DOP1A: variants seen among roughly 807,000 people sequenced by gnomAD.
The protein encoded by DOP1A is DOP1 leucine zipper like protein A, also known as protein DOP1A.
Under a neutral mutation model 267.6 loss-of-function variants are expected in DOP1A, and 90 were observed. The observed-to-expected ratio is 0.34, with a 90% CI of 0.28 to 0.40. The LOEUF (loss-of-function observed/expected upper bound fraction) is 0.40, where lower values mean the gene tolerates loss of function less well. Among genes scored for constraint, DOP1A ranks in the 10% least tolerant of loss-of-function variants. DOP1A has a pLI of 1.00. For synonymous variants in DOP1A, 932 were observed against 999.1 expected, an observed-to-expected ratio of 0.93 and a Z score of 1.27; for missense variants, 2,437 against 2,900.4, an observed-to-expected ratio of 0.84 and a Z score of 3.67.
At chr6:83,083,247 C>G (rs998727397) in intron 1 of DOP1A, among the ~76,000 whole-genome samples, 1 of 151,952 alleles carries the variant, frequency 6.6e-6, no homozygotes, top group Non-Finnish European at 1.5e-5. Context: ...GCTTTGGTCC[C>G]TGTGCTTCAT....
chr6:83,170,648 T>TTCTTCAGTCTATAAAGAATTAC, downstream of DOP1A: 1 of 596,278 alleles, frequency 1.7e-6, no homozygotes, highest in Non-Finnish European at 2.9e-6. Flanking sequence ...TTTTCTCTTT[T>TTCTTCAGTCTATAAAGAATTAC]TCTTCAGTCT....
At position 83,113,440 on chromosome 6, in the gene DOP1A, T is replaced by TG. The variant is rs768678633; in HGVS notation, c.780+20dup. On this transcript the variant is annotated intron_variant, in intron 7 of 38. Coordinates refer to ENST00000349129, the MANE Select transcript of DOP1A (RefSeq NM_015018.4). ...GAGTCAGGTAAAATATTAACGCCGA[T>TG]GTTATTATAAGGCATTCTTGGAAAA... The TG allele has an allele frequency of 1.9e-6, 3 of 1,590,120 alleles. No homozygotes were observed. The African/African-American group carries it at 4.0e-5, about 21-fold the overall frequency.
At chr6:83,085,845 C>T (rs1322144937) in intron 1 of DOP1A, among the ~76,000 whole-genome samples, 1 of 143,110 alleles carries the variant, frequency 7.0e-6, no homozygotes, top group Admixed American at 7.1e-5. Context: ...TATTTTGAGA[C>T]AGAGTCTCGC....
chr6:83,156,768 C>CT (rs1245749781), intron 34 of DOP1A, among the ~76,000 whole-genome samples: 1 of 152,178 alleles, frequency 6.6e-6, no homozygotes, highest in Non-Finnish European at 1.5e-5. Context: ...CAAATGATTC[C>CT]TTGTTTCCTA....
At chr6:83,091,877 T>C (rs561921555) in intron 1 of DOP1A, among the ~76,000 whole-genome samples, 89 of 152,348 alleles carry the variant, frequency 5.8e-4, no homozygotes, top group African/African-American at 2.0e-3. Flanking sequence ...AATTCATTGA[T>C]TGGATTTTAG....
At chr6:83,163,018 A>G in intron 38 of DOP1A, 99 bp downstream of exon 38, 1 of 1,360,582 alleles carries the variant, frequency 7.3e-7, no homozygotes, top group South Asian at 1.7e-5. Flanking sequence ...AACGTTATCA[A>G]GTTGAGCTAT....
At position 83,137,867 on chromosome 6, in the gene DOP1A, A is replaced by G. The variant is rs754397067; in HGVS notation, c.3825A>G (p.Lys1275=). 2 of 1,613,536 alleles carry G rather than the reference A, an allele frequency of 1.2e-6. No individual in the cohort carries two copies. The highest frequency in any genetic ancestry group is 4.5e-5 in the East Asian group (2 of 44,862). ...GTATTCAATTCAGCTTCAAAGAAAAATTATCAGAAAAAGTTTCGGAGAAGG... is the reference window on the plus strand; with the variant it reads ...GTATTCAATTCAGCTTCAAAGAAAAGTTATCAGAAAAAGTTTCGGAGAAGG... ...HSSIQFSFKE[K]LSEKVSEKET... The change falls in exon 21 of 39, where the codon AAA becomes AAG. Residue 1275 remains lysine, a synonymous_variant. Coordinates refer to ENST00000349129, the MANE Select transcript of DOP1A (RefSeq NM_015018.4).
At chr6:83,112,043 T>C (rs1774645926) in intron 6 of DOP1A, among the ~76,000 whole-genome samples, 1 of 152,190 alleles carries the variant, frequency 6.6e-6, no homozygotes, top group Non-Finnish European at 1.5e-5. Flanking sequence ...CTATGCTTTT[T>C]AAATTCAGGT....
In DOP1A at chr6:83,162,892, A is replaced by G; in HGVS notation, c.7065A>G (p.Leu2355=). ...QREFKPYVVR[L]AKLLRKRAKK... ...AATTTAAACCTTACGTGGTACGACT[A>G]GCAAAACTTCTTCGGAAAAGAGCAA... Residue 2355 remains leucine, a synonymous_variant, in exon 38 of 39, where the codon CTA becomes CTG. Coordinates refer to ENST00000349129, the MANE Select transcript of DOP1A (RefSeq NM_015018.4). 1 of 1,613,052 alleles carries G rather than the reference A, an allele frequency of 6.2e-7. No individual in the cohort carries two copies. The highest frequency in any genetic ancestry group is 8.5e-7 in the Non-Finnish European group (1 of 1,179,354).
At position 83,152,031 on chromosome 6, in the gene DOP1A, T is replaced by TTC. The variant is rs1177039709; in HGVS notation, c.6049+6_6049+7dup. The stretch of plus-strand genomic sequence containing the variant: ...AATTTGGAATCTGATGTTGAAGGTA[T>TTC]TCTTGTCAAACATTTAGGTTTATTA... On this transcript the variant is annotated splice_donor_region_variant and intron_variant, in intron 29 of 38. Transcript: ENST00000349129. 1 of 1,613,896 alleles carries TTC rather than the reference T, an allele frequency of 6.2e-7. No individual in the cohort carries two copies. Among genetic ancestry groups the TTC allele is most frequent in the African/African-American group, 1.3e-5 (1 of 75,052 alleles).
At position 83,122,973 on chromosome 6, in the gene DOP1A, A is replaced by G. The variant is rs1321090142; in HGVS notation, c.1331A>G (p.Glu444Gly). 1 of 1,581,790 alleles carries G rather than the reference A, an allele frequency of 6.3e-7. No homozygotes were observed. ...MWDYVARWFE[E>G]CCRRTLHVRL... ...GATTATGTTGCACGCTGGTTTGAAGAATGTTGTAGGTATGTTAAACTTTCA... is the reference window on the plus strand; with the variant it reads ...GATTATGTTGCACGCTGGTTTGAAGGATGTTGTAGGTATGTTAAACTTTCA... Residue 444 changes from glutamate (E) to glycine (G), a missense_variant, in exon 12 of 39, where the codon GAA becomes GGA. Physicochemically the swap from Glu to Gly is moderately conservative, Grantham distance 98. Coordinates refer to ENST00000349129, the MANE Select transcript of DOP1A (RefSeq NM_015018.4).
chr6:83,140,235 A>G lies in DOP1A; in HGVS notation c.5247A>G (p.Val1749=). 1 of 1,612,430 alleles carries G rather than the reference A, an allele frequency of 6.2e-7. No homozygotes were observed. The highest frequency in any genetic ancestry group is 1.1e-5 in the South Asian group (1 of 90,874). The stretch of plus-strand genomic sequence containing the variant: ...ACTGTTAATAGCTTTTGGTCAGTGT[A>G]GACCAGAAACACTTGTTTGAAGCAC... The part of the protein sequence containing the change: ...TTQYHQLLVS[V]DQKHLFEARS... Residue 1749 remains valine (V), a synonymous_variant, in exon 23 of 39, where the codon GTA becomes GTG. Coordinates refer to ENST00000349129, the MANE Select transcript of DOP1A (RefSeq NM_015018.4).
At chr6:83,167,474 C>CT in intron 38 of DOP1A, 1 of 993,284 alleles carries the variant, frequency 1.0e-6, no homozygotes, top group Non-Finnish European at 1.2e-6. Context: ...CACTTTGTTC[C>CT]TTTTTTCTGT....
intron 15 of DOP1A, among the ~76,000 whole-genome samples, chr6:83,128,561 C>T (rs1777546579): frequency 6.6e-6 from 1 of 152,176 alleles, no homozygotes; most frequent in South Asian, 2.1e-4. Context: ...TTTAACCTTA[C>T]ATATCTCATT....
intron 6 of DOP1A, among the ~76,000 whole-genome samples, chr6:83,112,367 T>A (rs1013677053): frequency 6.7e-6 from 1 of 149,438 alleles, no homozygotes; most frequent in Non-Finnish European, 1.5e-5. Flanking sequence ...AAAATACAAA[T>A]ATATATATAT....
chr6:83,080,586 GC>G (rs1273267671), intron 1 of DOP1A, among the ~76,000 whole-genome samples: 1 of 152,150 alleles, frequency 6.6e-6, no homozygotes, highest in African/African-American at 2.4e-5. Flanking sequence ...CCTGTCATCA[GC>G]CCTGCACATC....
intron 7 of DOP1A, among the ~76,000 whole-genome samples, chr6:83,117,573 T>C (rs745948099): frequency 1.3e-5 from 2 of 152,234 alleles, no homozygotes; most frequent in Non-Finnish European, 2.9e-5. Context: ...AATATAATGA[T>C]TACAAGTATA....
chr6:83,114,308 G>C (rs987474592), intron 7 of DOP1A, among the ~76,000 whole-genome samples: 2 of 152,042 alleles, frequency 1.3e-5, no homozygotes, highest in Non-Finnish European at 2.9e-5. Context: ...TCTATTTTGA[G>C]ACTTTCACCC....
intron 30 of DOP1A, 123 bp from the exon 31 acceptor site, chr6:83,153,388 G>T: frequency 1.8e-6 from 1 of 543,664 alleles, no homozygotes; most frequent in Non-Finnish European, 3.1e-6. Context: ...GATTCAGGAA[G>T]ATTTAATTTT....
Sources: allele counts gnomAD v4.1 joint callset (sites outside exome capture counted in the v4.1 genomes callset), GRCh38; gene constraint gnomAD v4.1.1; transcripts MANE v1.5; gene names NCBI Gene and HGNC (gene_info 2026-07-23, HGNC 2026-07-21).